Variants in PSMF1 observed in about 807,000 individuals in gnomAD.
PSMF1 encodes proteasome inhibitor PI31 subunit.
Under a neutral mutation model 29.3 loss-of-function variants are expected in PSMF1, and 30 were observed. That is an observed-to-expected ratio of 1.02 (90% CI 0.77 to 1.39). The LOEUF (loss-of-function observed/expected upper bound fraction) is 1.39. Ranked by LOEUF, PSMF1 falls within the 40% of genes most tolerant of loss-of-function variation. The probability of loss-of-function intolerance (pLI) is 0.00; values close to 1 mark genes in which losing one functional copy is unlikely to be tolerated. For synonymous variants in PSMF1, 134 were observed against 139.7 expected (o/e 0.96, Z 0.29); for missense variants, 344 against 357.5 (o/e 0.96, Z 0.31).
intron 4 of PSMF1, among the ~76,000 whole-genome samples, chr20:1,159,316 C>T (rs2086637026): frequency 6.6e-6 from 1 of 152,044 alleles, no homozygotes; most frequent in Non-Finnish European, 1.5e-5. Context: ...GCTTGGATTA[C>T]AGGCATGAAC....
intron 3 of PSMF1, among the ~76,000 whole-genome samples, chr20:1,133,090 AT>A (rs1217149653): frequency 1.4e-5 from 2 of 144,132 alleles, no homozygotes; most frequent in Non-Finnish European, 3.0e-5. Context: ...TTCTTGCCTT[AT>A]TGCAGTGGTC....
chr20:1,146,222 A>G (rs2086447749), intron 4 of PSMF1, among the ~76,000 whole-genome samples: 1 of 151,896 alleles, frequency 6.6e-6, no homozygotes, highest in Admixed American at 6.6e-5. Flanking sequence ...TTGTGTCTTC[A>G]CCGGAAAGGG....
In PSMF1 at chr20:1,163,042, C is replaced by G. The variant is rs1421424630; in HGVS notation, c.552-88C>G. On this transcript the variant is annotated intron_variant, in intron 4 of 6. Coordinates refer to ENST00000335877, the MANE Select transcript of PSMF1 (RefSeq NM_006814.5). This position sits in a 1 kb window ranked among gnomAD's most constrained non-coding sequence, Gnocchi z 6.1. ...TGCTATGGTCTCATGCAAGGGTTTC[C>G]CATGCCTGTGAGTGTGTTTGTGATC... The G allele has an allele frequency of 6.9e-7, 1 of 1,449,140 alleles. No homozygotes were observed. The highest frequency in any genetic ancestry group is 9.6e-7 in the Non-Finnish European group (1 of 1,040,738). The allele number at this position is 1,449,140 out of a possible 1,614,324, so 89.8% of individuals were successfully genotyped here.
In PSMF1 at chr20:1,166,216, A is replaced by G. The variant is rs1318418527; in HGVS notation, c.*1136A>G. 6.2e-7 allele frequency: 1 copy of G among 1,612,128 alleles called. No individual in the cohort carries two copies. The highest frequency in any genetic ancestry group is 1.3e-5 in the African/African-American group (1 of 74,890). On this transcript the variant is annotated 3_prime_UTR_variant, in exon 7 of 7. Coordinates refer to ENST00000335877, the MANE Select transcript of PSMF1 (RefSeq NM_006814.5). ...CCACCTGACCTTTGGTGTTCTCCGG[A>G]TCCTTTTCAGCCCGAGGCCTGACAG...
chr20:1,154,092 T>C (rs2086564818), intron 4 of PSMF1, among the ~76,000 whole-genome samples: 1 of 152,218 alleles, frequency 6.6e-6, no homozygotes, highest in African/African-American at 2.4e-5. Context: ...AAAGACAACT[T>C]AGGAAATACA....
chr20:1,120,309 A>G (rs969758226), intron 1 of PSMF1, among the ~76,000 whole-genome samples: 1 of 152,138 alleles, frequency 6.6e-6, no homozygotes, highest in Admixed American at 6.5e-5. Flanking sequence ...AATGGGCTCT[A>G]AGACTAGATA....
chr20:1,127,303 T>C (rs543852910), intron 2 of PSMF1, 123 bp from the exon 3 acceptor site: 38 of 818,492 alleles, frequency 4.6e-5, no homozygotes, highest in East Asian at 3.4e-4. Flanking sequence ...ACAGTCCTTA[T>C]ATATGTCTCT....
Position 1,165,962 on chromosome 20 carries a change from C to A in PSMF1, c.*882C>A, listed in dbSNP as rs182205930. 7.2e-7 allele frequency: 1 copy of A among 1,381,866 alleles called. No homozygotes were observed. The highest frequency in any genetic ancestry group is 2.7e-5 in the East Asian group (1 of 37,328). 85.6% of individuals were successfully genotyped at this position (1,381,866 alleles called of 1,614,324 possible). On this transcript the variant is annotated 3_prime_UTR_variant, in exon 7 of 7. Transcript: ENST00000335877. Reference sequence around the variant, plus strand: ...TGAAATTGGAGGTGGCTTTCCTGCTCTAAAGCATTTTGATGTCTCATTCTG... The same window carrying A: ...TGAAATTGGAGGTGGCTTTCCTGCTATAAAGCATTTTGATGTCTCATTCTG...
intron 4 of PSMF1, among the ~76,000 whole-genome samples, chr20:1,156,283 G>A (rs2086593823): frequency 6.6e-6 from 1 of 152,096 alleles, no homozygotes; most frequent in African/African-American, 2.4e-5. Flanking sequence ...ATTATAAAAG[G>A]TCTAACATTG....
intron 1 of PSMF1, among the ~76,000 whole-genome samples, chr20:1,119,237 G>C (rs1199000786): frequency 2.6e-5 from 4 of 152,136 alleles, no homozygotes; most frequent in African/African-American, 7.2e-5. Context: ...GCTCCCCAGA[G>C]CACTTCTCAC....
At chr20:1,150,515 A>T (rs1439426200) in intron 4 of PSMF1, among the ~76,000 whole-genome samples, 1 of 152,044 alleles carries the variant, frequency 6.6e-6, no homozygotes, top group East Asian at 1.9e-4. Context: ...CATGAGCCAC[A>T]TTAAAATTTT....
rs1000107092 is a variant in PSMF1 at position 1,154,090 on chromosome 20, C to A, written c.552-9040C>A. Among the ~76,000 whole-genome samples the A allele has an allele frequency of 1.6e-4, 25 of 152,122 alleles. 1 individual carries two copies. Among genetic ancestry groups the A allele is most frequent in the Admixed American group, 1.4e-3 (22 of 15,274 alleles). ...TTAAAAATGTTAATAGTAAAGACAA[C>A]TTAGGAAATACAGCACCTATGTGGA... On this transcript the variant is annotated intron_variant, in intron 4 of 6. Coordinates refer to ENST00000335877, the MANE Select transcript of PSMF1 (RefSeq NM_006814.5).
At chr20:1,133,571 T>TATATATATATATATATATATATATATATA (rs1568469077) in intron 3 of PSMF1, among the ~76,000 whole-genome samples, 1 of 44,108 alleles carries the variant, frequency 2.3e-5, no homozygotes, top group African/African-American at 8.2e-5. Context: ...ATATATATAT[T>TATATATATATATATATATATATATATATA]TTTTTTTTTT....
chr20:1,130,412 T>TC (rs1220622038), intron 3 of PSMF1, among the ~76,000 whole-genome samples: 3 of 152,178 alleles, frequency 2.0e-5, no homozygotes, highest in African/African-American at 7.2e-5. Context: ...CTTAAAGCAT[T>TC]CACCCCTTCA....
intron 4 of PSMF1, among the ~76,000 whole-genome samples, chr20:1,136,737 A>G (rs1053791545): frequency 2.4e-4 from 37 of 152,360 alleles, no homozygotes; most frequent in Admixed American, 3.3e-4. Flanking sequence ...AGGCTGTTGT[A>G]TATAGATGTA....
upstream of PSMF1, chr20:1,118,444 C>A (rs192517272): frequency 7.9e-3 from 1,877 of 238,464 alleles, 10 homozygotes; most frequent in Admixed American, 0.011. Flanking sequence ...GACGCTGTGC[C>A]CGCGTCAGGC....
upstream of PSMF1, chr20:1,118,545 T>A: frequency 2.1e-6 from 1 of 467,936 alleles, no homozygotes; most frequent in Admixed American, 3.8e-5. Context: ...AGTGCTGCGC[T>A]CGCGTTGCCA....
Position 1,170,085 on chromosome 20 carries a change from G to C in PSMF1, c.*5005G>C, listed in dbSNP as rs1266818633. On this transcript the variant is annotated 3_prime_UTR_variant, in exon 7 of 7. Transcript: ENST00000335877. ...TTCCTTTTGTGAGTCCTATGATCAT[G>C]CAAGTTTGAGAACTGAGAAGGGAGG... Among the ~76,000 whole-genome samples, 1 of 152,172 alleles carries C rather than the reference G, an allele frequency of 6.6e-6. No homozygotes were observed. The highest frequency in any genetic ancestry group is 2.4e-5 in the African/African-American group (1 of 41,450).
intron 1 of PSMF1, 106 bp from the exon 2 acceptor site, chr20:1,125,392 T>A (rs968698628): frequency 6.5e-6 from 8 of 1,237,614 alleles, no homozygotes; most frequent in Non-Finnish European, 8.8e-6. Context: ...CCTCCACATC[T>A]TCATCTGTGA....
Sources: allele counts gnomAD v4.1 joint callset (sites outside exome capture counted in the v4.1 genomes callset), GRCh38; gene constraint gnomAD v4.1.1; non-coding constraint Gnocchi (gnomAD v3.1); transcripts MANE v1.5; gene names NCBI Gene and HGNC (gene_info 2026-07-23, HGNC 2026-07-21).